DYSF: variants seen among roughly 807,000 people sequenced by gnomAD.
The protein encoded by DYSF is dystrophy-associated fer-1-like 1.
A neutral mutation model predicts 274.9 loss-of-function variants in DYSF; 212 were observed. The ratio of observed to expected loss-of-function variants is 0.77; its 90% CI spans 0.69 to 0.86. DYSF has a LOEUF of 0.86. DYSF is among the 40% of genes least tolerant of loss of function. The pLI is 0.00. For missense variants in DYSF, 2,666 were observed against 2,783.2 expected (o/e 0.96, Z 0.95); for synonymous variants, 1,091 against 1,078.7 (o/e 1.01, Z -0.22).
chr2:71,472,661 C>A (rs2082118933), intron 1 of DYSF, among the ~76,000 whole-genome samples: 1 of 152,234 alleles, frequency 6.6e-6, no homozygotes, highest in Admixed American at 6.5e-5. Flanking sequence ...CCGCCTTGGC[C>A]TCCCAAAGTG....
chr2:71,667,282 T>C, intron 47 of DYSF, 94 bp from the exon 48 acceptor site: 2 of 1,594,220 alleles, frequency 1.3e-6, no homozygotes, highest in Non-Finnish European at 1.7e-6. Context: ...TTCTTATGAC[T>C]CTTAGGCAGC....
chr2:71,461,555 G>C (rs986836796), intron 1 of DYSF, among the ~76,000 whole-genome samples: 104 of 152,344 alleles, frequency 6.8e-4, no homozygotes, highest in Non-Finnish European at 2.2e-4. Flanking sequence ...AGCACAGGAG[G>C]CCTTTGGATA....
At chr2:71,495,918 C>G (rs930582381) in intron 3 of DYSF, among the ~76,000 whole-genome samples, 18 of 151,676 alleles carry the variant, frequency 1.2e-4, no homozygotes, top group African/African-American at 4.4e-4. Context: ...TGGTGGCTCT[C>G]TTCTGGGTCC....
chr2:71,666,962 C>T (rs2095024618), intron 47 of DYSF, among the ~76,000 whole-genome samples: 2 of 152,208 alleles, frequency 1.3e-5, no homozygotes, highest in African/African-American at 4.8e-5. Flanking sequence ...AGTAGAACAA[C>T]TTAAGTGAAC....
chr2:71,470,224 A>C (rs538539611), intron 1 of DYSF, among the ~76,000 whole-genome samples: 1 of 152,038 alleles, frequency 6.6e-6, no homozygotes, highest in Admixed American at 6.6e-5. Flanking sequence ...GGGGGTCTCT[A>C]GATTTGGGGC....
At chr2:71,542,610 C>G (rs957894971) in intron 17 of DYSF, among the ~76,000 whole-genome samples, 7 of 152,158 alleles carry the variant, frequency 4.6e-5, no homozygotes, top group African/African-American at 1.7e-4. Flanking sequence ...ATCTGTTTAA[C>G]AAAGCACATC....
intron 17 of DYSF, chr2:71,549,496 G>C (rs1270302655): frequency 9.0e-7 from 1 of 1,107,338 alleles, no homozygotes; most frequent in African/African-American, 1.6e-5. Flanking sequence ...GCCTGAGGTG[G>C]GATTGAGATT....
At chr2:71,479,209 T>C (rs902829596) in intron 1 of DYSF, among the ~76,000 whole-genome samples, 3 of 107,294 alleles carry the variant, frequency 2.8e-5, no homozygotes, top group Non-Finnish European at 6.7e-5. Flanking sequence ...TTGAATTGTC[T>C]GTTGAGCGCC....
intron 51 of DYSF, among the ~76,000 whole-genome samples, chr2:71,670,726 C>A (rs1214818638): frequency 6.6e-6 from 1 of 152,212 alleles, no homozygotes; most frequent in East Asian, 1.9e-4. Flanking sequence ...GACAGCCAGC[C>A]TCTTCCTGGT....
intron 30 of DYSF, chr2:71,577,236 A>G (rs2092730654): frequency 6.5e-6 from 1 of 154,192 alleles, no homozygotes; most frequent in South Asian, 2.0e-4. Flanking sequence ...CAGCACACAC[A>G]CCAACACACA....
chr2:71,513,397 T>G, intron 6 of DYSF, 65 bp downstream of exon 6: 2 of 1,496,224 alleles, frequency 1.3e-6, no homozygotes, highest in East Asian at 2.5e-5. Context: ...CTAGCTGCCA[T>G]GGTCAGCTTG....
At chr2:71,537,235 T>G (rs1028717590) in intron 16 of DYSF, among the ~76,000 whole-genome samples, 2 of 144,104 alleles carry the variant, frequency 1.4e-5, no homozygotes, top group African/African-American at 5.2e-5. Context: ...TTTTTTTTTT[T>G]TTTTTTTTTT....
Position 71,528,286 on chromosome 2 carries a change from C to G in DYSF, c.1277-12C>G. On this transcript the variant is annotated splice_polypyrimidine_tract_variant and intron_variant, in intron 13 of 55. Transcript: ENST00000410020. ...AGCAGGCAGGCAGTGACTGGTGTGT[C>G]CCTCTTCCCAGTGGACGATGCCGTG... 4.3e-6 allele frequency: 7 copies of G among 1,610,738 alleles called. No homozygotes were observed. The highest frequency in any genetic ancestry group is 5.9e-6 in the Non-Finnish European group (7 of 1,177,720).
At chr2:71,668,459 GC>G (rs1357308738) in intron 48 of DYSF, among the ~76,000 whole-genome samples, 1 of 152,114 alleles carries the variant, frequency 6.6e-6, no homozygotes, top group Non-Finnish European at 1.5e-5. Flanking sequence ...TCTTTGACAC[GC>G]CACGACTGTG....
chr2:71,674,054 T>TCC, intron 51 of DYSF, 143 bp from the exon 52 acceptor site: 1 of 742,018 alleles, frequency 1.3e-6, no homozygotes, highest in South Asian at 1.5e-5. Context: ...TTCCCAGTCT[T>TCC]CCCACAGGAC....
At chr2:71,550,965 G>C in intron 17 of DYSF, 76 bp from the exon 18 acceptor site, 1 of 1,322,170 alleles carries the variant, frequency 7.6e-7, no homozygotes, top group Non-Finnish European at 1.1e-6. Flanking sequence ...GGTGGGCTCA[G>C]GTTGGAAGGT....
upstream of DYSF, chr2:71,466,570 A>T: frequency 9.4e-7 from 1 of 1,065,584 alleles, no homozygotes; most frequent in Non-Finnish European, 1.2e-6. Context: ...GCACCCCCAC[A>T]GGCGCCCGTC....
chr2:71,492,702 C>G (rs868196284), intron 3 of DYSF, among the ~76,000 whole-genome samples: 1 of 134,928 alleles, frequency 7.4e-6, no homozygotes, highest in Admixed American at 7.7e-5. Flanking sequence ...CCTTCCTCCC[C>G]CCCCCCCTTT....
chr2:71,631,595 G>A (rs1170815709), intron 41 of DYSF, among the ~76,000 whole-genome samples: 1 of 152,150 alleles, frequency 6.6e-6, no homozygotes, highest in African/African-American at 2.4e-5. Context: ...CCCATCAAAT[G>A]ACAAGTGAAA....
Sources: allele counts gnomAD v4.1 joint callset (sites outside exome capture counted in the v4.1 genomes callset), GRCh38; gene constraint gnomAD v4.1.1; transcripts MANE v1.5; gene names NCBI Gene and HGNC (gene_info 2026-07-23, HGNC 2026-07-21).